Variants in SH2D4B observed in about 807,000 individuals in gnomAD.
The protein encoded by SH2D4B is SH2 domain containing 4B, also known as SH2 domain-containing protein 4B.
SH2D4B carries 45 observed loss-of-function variants against 61.5 expected under a neutral mutation model. That is an observed-to-expected ratio of 0.73 (90% CI 0.58 to 0.94). The LOEUF is 0.94. Ranked by LOEUF, SH2D4B falls within the 40% of genes least tolerant of loss-of-function variation. The probability of loss-of-function intolerance (pLI) is 0.00; values close to 1 mark genes in which losing one functional copy is unlikely to be tolerated. For synonymous variants in SH2D4B, 224 were observed against 220.4 expected, an observed-to-expected ratio of 1.02 and a Z score of -0.14; for missense variants, 572 against 574.2, an observed-to-expected ratio of 1.00 and a Z score of 0.04.
chr10:80,589,558 T>A (rs1842301735), intron 4 of SH2D4B, among the ~76,000 whole-genome samples: 1 of 152,120 alleles, frequency 6.6e-6, no homozygotes, highest in Non-Finnish European at 1.5e-5. Flanking sequence ...CTTTACTAAG[T>A]TGCCAATAAT....
intron 7 of SH2D4B, among the ~76,000 whole-genome samples, chr10:80,635,739 G>A (rs1015178873): frequency 1.3e-5 from 2 of 152,078 alleles, no homozygotes; most frequent in Non-Finnish European, 2.9e-5. Context: ...CTACATCCAT[G>A]CTCTTATTTA....
chr10:80,565,779 AG>A (rs1241633789), intron 1 of SH2D4B, among the ~76,000 whole-genome samples: 1 of 152,096 alleles, frequency 6.6e-6, no homozygotes, highest in East Asian at 1.9e-4. Flanking sequence ...CCTGGCAGGA[AG>A]AAGAAGGTCG....
intron 4 of SH2D4B, among the ~76,000 whole-genome samples, chr10:80,591,111 GCATATACCACA>G (rs145599223): frequency 0.022 from 3,325 of 151,770 alleles, 125 homozygotes; most frequent in African/African-American, 0.075. Context: ...TCTAATGTAC[GCATATACCACA>G]TTGTTGTTTG....
At chr10:80,597,149 C>T (rs1842393844) in intron 4 of SH2D4B, among the ~76,000 whole-genome samples, 1 of 152,092 alleles carries the variant, frequency 6.6e-6, no homozygotes. Context: ...CTTGAGCATT[C>T]GCAGATTTTG....
At chr10:80,589,826 G>A (rs547597114) in intron 4 of SH2D4B, among the ~76,000 whole-genome samples, 1 of 152,180 alleles carries the variant, frequency 6.6e-6, no homozygotes, top group Non-Finnish European at 1.5e-5. Flanking sequence ...ATGGGCAAAG[G>A]CTTGGTGACA....
chr10:80,553,181 G>C (rs976875517), intron 1 of SH2D4B, among the ~76,000 whole-genome samples: 1 of 152,212 alleles, frequency 6.6e-6, no homozygotes, highest in Non-Finnish European at 1.5e-5. Context: ...GCCTCCCAAA[G>C]TGTTGGGATT....
chr10:80,544,005 C>T (rs1420823028), intron 1 of SH2D4B, among the ~76,000 whole-genome samples: 1 of 151,792 alleles, frequency 6.6e-6, no homozygotes, highest in Non-Finnish European at 1.5e-5. Context: ...GTGGGTGGGG[C>T]CAGATAAGAG....
At chr10:80,601,033 A>G (rs1328002998) in intron 4 of SH2D4B, among the ~76,000 whole-genome samples, 1 of 152,022 alleles carries the variant, frequency 6.6e-6, no homozygotes, top group African/African-American at 2.4e-5. Context: ...CTCCCTTTTG[A>G]GTTTTAGAAG....
chr10:80,643,748 T>A (rs117066740), intron 7 of SH2D4B, among the ~76,000 whole-genome samples: 2,021 of 152,300 alleles, frequency 0.013, 31 homozygotes, highest in Admixed American at 0.028. Context: ...GCATGTCTTT[T>A]GTTTTTCAGG....
At position 80,568,701 on chromosome 10, in the gene SH2D4B, A is replaced by ATGCTTT. The variant is rs1295609416; in HGVS notation, c.185-1451_185-1446dup. On this transcript the variant is annotated intron_variant, in intron 1 of 7. Coordinates refer to ENST00000646907, the MANE Select transcript of SH2D4B (RefSeq NM_001388272.1). ...AATGTCGGTCCTGGTATATGAAGAG[A>ATGCTTT]TGCTTTTTCAATCCTACAACATCTC... Among the ~76,000 whole-genome samples, 32 of 152,190 alleles carry ATGCTTT rather than the reference A, an allele frequency of 2.1e-4. 2 individuals are homozygous for ATGCTTT. Among genetic ancestry groups the ATGCTTT allele is most frequent in the Admixed American group, 2.1e-3 (32 of 15,286 alleles).
intron 1 of SH2D4B, among the ~76,000 whole-genome samples, chr10:80,549,011 A>G (rs1334424207): frequency 6.6e-6 from 1 of 152,180 alleles, no homozygotes; most frequent in African/African-American, 2.4e-5. Context: ...CAGATGAATG[A>G]TGTAAAGATG....
At chr10:80,541,361 T>C (rs960972744) in intron 1 of SH2D4B, among the ~76,000 whole-genome samples, 12 of 152,260 alleles carry the variant, frequency 7.9e-5, no homozygotes, top group African/African-American at 2.9e-4. Context: ...GGTTTTTCCA[T>C]GCTCCTGTGA....
intron 6 of SH2D4B, among the ~76,000 whole-genome samples, chr10:80,629,029 C>A (rs1165100049): frequency 2.1e-4 from 28 of 135,334 alleles, no homozygotes; most frequent in African/African-American, 3.9e-4. Context: ...GACTCTATCT[C>A]AAAAAAAAAA....
At chr10:80,641,203 A>G (rs555025491) in intron 7 of SH2D4B, among the ~76,000 whole-genome samples, 217 of 152,334 alleles carry the variant, frequency 1.4e-3, no homozygotes, top group Non-Finnish European at 2.6e-3. Context: ...ATGAGGTGTC[A>G]GTCAGCCCCT....
In SH2D4B at chr10:80,631,475, C is replaced by T. The variant is rs1308677947; in HGVS notation, c.989-2810C>T. Reference sequence around the variant, plus strand: ...TGTTGCCCAGGCTGGTTTTGAATTCCTGGGCTCAAGCGATCCTCCCACCTT... The same window carrying T: ...TGTTGCCCAGGCTGGTTTTGAATTCTTGGGCTCAAGCGATCCTCCCACCTT... On this transcript the variant is annotated intron_variant, in intron 6 of 7. Coordinates refer to ENST00000646907, the MANE Select transcript of SH2D4B (RefSeq NM_001388272.1). Among the ~76,000 whole-genome samples the T allele has an allele frequency of 2.0e-5, 3 of 152,310 alleles. No homozygotes were observed. The East Asian group carries it at 5.8e-4, about 29-fold the overall frequency.
At chr10:80,546,502 A>T (rs1841682254) in intron 1 of SH2D4B, among the ~76,000 whole-genome samples, 1 of 151,444 alleles carries the variant, frequency 6.6e-6, no homozygotes, top group African/African-American at 2.4e-5. Context: ...TGTCTTGGAA[A>T]ATGTATATTA....
At chr10:80,555,471 A>G (rs965100471) in intron 1 of SH2D4B, among the ~76,000 whole-genome samples, 6 of 152,146 alleles carry the variant, frequency 3.9e-5, no homozygotes, top group Non-Finnish European at 8.8e-5. Context: ...GTCTGAATCC[A>G]TGTGGCCTTC....
intron 5 of SH2D4B, among the ~76,000 whole-genome samples, chr10:80,608,757 C>CGCCT (rs1564782568): frequency 1.3e-5 from 2 of 151,622 alleles, no homozygotes; most frequent in African/African-American, 4.9e-5. Flanking sequence ...TGTTTCCTTC[C>CGCCT]GCCTCCGTAT....
intron 6 of SH2D4B, among the ~76,000 whole-genome samples, chr10:80,631,575 A>T (rs1345411859): frequency 6.6e-6 from 1 of 152,250 alleles, no homozygotes. Flanking sequence ...TAACAGTTGA[A>T]TGGATAAAGA....
Sources: allele counts gnomAD v4.1 joint callset (sites outside exome capture counted in the v4.1 genomes callset), GRCh38; gene constraint gnomAD v4.1.1; transcripts MANE v1.5; gene names NCBI Gene and HGNC (gene_info 2026-07-23, HGNC 2026-07-21).